STK3: variants seen among roughly 807,000 people sequenced by gnomAD.
The protein encoded by STK3 is serine/threonine-protein kinase 3.
Under a neutral mutation model 58.0 loss-of-function variants are expected in STK3, and 41 were observed. That is an observed-to-expected ratio of 0.71 (90% CI 0.55 to 0.92). The LOEUF (loss-of-function observed/expected upper bound fraction) is 0.92, where lower values mean the gene tolerates loss of function less well. STK3 is among the 40% of genes least tolerant of loss of function. The probability of loss-of-function intolerance (pLI) is 0.00; values close to 1 mark genes in which losing one functional copy is unlikely to be tolerated. For missense variants in STK3, 479 were observed against 602.7 expected (o/e 0.79, Z 2.15); for synonymous variants, 170 against 191.0 (o/e 0.89, Z 0.91).
chr8:98,657,126 G>A lies in STK3; in HGVS notation c.684+49341C>T, dbSNP rs1238477372. On this transcript the variant is annotated intron_variant, in intron 6 of 10. Transcript: ENST00000419617. ...GAAGAGCTAAGAAAAAATAAGGCAA[G>A]GAAAGGAAAATCTTCTATAATATAT... Among the ~76,000 whole-genome samples, 5 of 152,074 alleles carry A rather than the reference G, an allele frequency of 3.3e-5. No individual in the cohort carries two copies. The East Asian group carries it at 7.7e-4, about 23-fold the overall frequency.
intron 6 of STK3, among the ~76,000 whole-genome samples, chr8:98,661,824 CT>C (rs1821986435): frequency 6.6e-6 from 1 of 151,536 alleles, no homozygotes; most frequent in Non-Finnish European, 1.5e-5. Flanking sequence ...AAAAACCTTA[CT>C]TTGTCTACCC....
intron 1 of STK3, among the ~76,000 whole-genome samples, chr8:98,786,245 A>G (rs566405136): frequency 1.3e-5 from 2 of 152,334 alleles, no homozygotes; most frequent in East Asian, 3.9e-4. Context: ...AGACTGGACC[A>G]AGCAAAAGAA....
intron 1 of STK3, among the ~76,000 whole-genome samples, chr8:98,885,221 T>G (rs1837939337): frequency 6.6e-6 from 1 of 152,316 alleles, no homozygotes; most frequent in Non-Finnish European, 1.5e-5. Flanking sequence ...AGACCAGGCC[T>G]GCCTCCTTGC....
chr8:98,621,088 C>T (rs954368851), intron 6 of STK3, among the ~76,000 whole-genome samples: 7 of 152,194 alleles, frequency 4.6e-5, no homozygotes, highest in Admixed American at 3.9e-4. Context: ...CGCCACTACG[C>T]CCAGCTAATT....
At position 98,784,318 on chromosome 8, in the gene STK3, G is replaced by T. The variant is rs550174214; in HGVS notation, c.27-9499C>A. Among the ~76,000 whole-genome samples the T allele has an allele frequency of 3.3e-5, 5 of 152,342 alleles. No individual in the cohort carries two copies. The South Asian group carries it at 1.0e-3, about 32-fold the overall frequency. On this transcript the variant is annotated intron_variant, in intron 1 of 10. Coordinates refer to ENST00000419617, the MANE Select transcript of STK3 (RefSeq NM_006281.4). ...CCACACTGTAGTTAGTGCCTCAGCA[G>T]TAGGTGCTGGGATTGTGCTCTCCTC...
At chr8:98,857,890 T>A (rs1836738591) in intron 3 of STK3, among the ~76,000 whole-genome samples, 1 of 151,944 alleles carries the variant, frequency 6.6e-6, no homozygotes, top group South Asian at 2.1e-4. Flanking sequence ...AGGAGGAGAA[T>A]AACAGAATCA....
intron 1 of STK3, among the ~76,000 whole-genome samples, chr8:98,910,255 A>T (rs117168521): frequency 0.017 from 2,655 of 152,336 alleles, 49 homozygotes; most frequent in South Asian, 0.065. Context: ...GTATGTATTA[A>T]TATAACCACT....
At chr8:98,605,861 T>A (rs1467421112) in intron 6 of STK3, among the ~76,000 whole-genome samples, 1 of 152,174 alleles carries the variant, frequency 6.6e-6, no homozygotes, top group Non-Finnish European at 1.5e-5. Context: ...GATAGTGAGT[T>A]ATCATAAGAT....
At chr8:98,348,280 T>C in the STK3 span, among the ~76,000 whole-genome samples, 1 of 152,040 alleles carries the variant, frequency 6.6e-6, no homozygotes, top group South Asian at 2.1e-4. Context: ...TAAGCTTAAA[T>C]GTAAAATCCA....
intron 6 of STK3, among the ~76,000 whole-genome samples, chr8:98,663,779 G>A (rs1254938533): frequency 3.3e-5 from 5 of 152,074 alleles, no homozygotes; most frequent in Non-Finnish European, 7.4e-5. Flanking sequence ...GAAGAAAAAA[G>A]CAACCACCAC....
intron 6 of STK3, among the ~76,000 whole-genome samples, chr8:98,698,487 TGCAGTG>T (rs1418558956): frequency 6.6e-6 from 1 of 152,214 alleles, no homozygotes; most frequent in Non-Finnish European, 1.5e-5. Flanking sequence ...GGCATGATTT[TGCAGTG>T]GCTGGTACCG....
intron 6 of STK3, among the ~76,000 whole-genome samples, chr8:98,653,819 T>G (rs1821203408): frequency 6.6e-6 from 1 of 152,018 alleles, no homozygotes; most frequent in Non-Finnish European, 1.5e-5. Flanking sequence ...AATAACAGGC[T>G]CTGAAATTGA....
chr8:98,807,109 G>A (rs546425309), intron 1 of STK3, among the ~76,000 whole-genome samples: 3 of 146,822 alleles, frequency 2.0e-5, no homozygotes, highest in South Asian at 4.4e-4. Flanking sequence ...AGCCAAGATC[G>A]TGCCACTGCA....
At chr8:98,656,623 C>A (rs533057085) in intron 6 of STK3, among the ~76,000 whole-genome samples, 2 of 152,094 alleles carry the variant, frequency 1.3e-5, no homozygotes, top group South Asian at 4.1e-4. Flanking sequence ...ACTTGATATT[C>A]TTTAATTTAT....
intron 9 of STK3, among the ~76,000 whole-genome samples, chr8:98,536,461 T>C (rs954738544): frequency 1.3e-5 from 2 of 151,280 alleles, no homozygotes; most frequent in South Asian, 4.2e-4. Flanking sequence ...ACCCTTCTCT[T>C]AAAAAAAAAT....
At chr8:98,797,063 T>C (rs964425970) in intron 1 of STK3, among the ~76,000 whole-genome samples, 6 of 152,198 alleles carry the variant, frequency 3.9e-5, no homozygotes, top group African/African-American at 1.4e-4. Context: ...GCCACTGACA[T>C]CTTTTCCCTA....
chr8:98,933,853 A>C (rs1750416833), intron 1 of STK3, among the ~76,000 whole-genome samples: 1 of 152,316 alleles, frequency 6.6e-6, no homozygotes, highest in East Asian at 1.9e-4. Flanking sequence ...GAGAGAATAG[A>C]GCCTGTAAGT....
At chr8:98,402,651 C>T (rs1817955258) in intron 3 of STK3, among the ~76,000 whole-genome samples, 5 of 152,210 alleles carry the variant, frequency 3.3e-5, no homozygotes, top group Admixed American at 3.3e-4. Flanking sequence ...CTCCTCCTCC[C>T]AGGGAGTGTT....
intron 1 of STK3, among the ~76,000 whole-genome samples, chr8:98,920,615 G>A (rs1176126210): frequency 8.5e-5 from 13 of 152,324 alleles, no homozygotes. Flanking sequence ...TCAGGGATGG[G>A]GCTTTGTTCT....
Sources: allele counts gnomAD v4.1 joint callset (sites outside exome capture counted in the v4.1 genomes callset), GRCh38; gene constraint gnomAD v4.1.1; transcripts MANE v1.5; gene names NCBI Gene and HGNC (gene_info 2026-07-23, HGNC 2026-07-21).